Variants in ZNF608 observed in about 807,000 individuals in gnomAD.
ZNF608 encodes renal carcinoma antigen NY-REN-36.
A neutral mutation model predicts 109.0 loss-of-function variants in ZNF608; 12 were observed. The ratio of observed to expected loss-of-function variants is 0.11; its 90% CI spans 0.07 to 0.18. The LOEUF is 0.18. ZNF608 is among the 10% of genes least tolerant of loss of function. The probability of loss-of-function intolerance (pLI) is 1.00; values close to 1 mark genes in which losing one functional copy is unlikely to be tolerated. For missense variants in ZNF608, 1,707 were observed against 1,879.3 expected, an observed-to-expected ratio of 0.91 and a Z score of 1.70; for synonymous variants, 732 against 717.4, an observed-to-expected ratio of 1.02 and a Z score of -0.33.
rs527815690 is a variant in ZNF608, at chr5:124,730,958, T to C, written c.906+13126A>G. 3.9e-5 allele frequency among the ~76,000 whole-genome samples: 6 copies of C among 152,358 alleles called. No homozygotes were observed. In the East Asian group the frequency reaches 7.7e-4, roughly 20 times the overall value. On this transcript the variant is annotated intron_variant, in intron 2 of 9. Transcript: ENST00000513986. ...TAAAAAGCTTTCTTTCCAGGAAGGATTAAAACTGTAGAGCAATTTCAAGAT... is the reference window on the plus strand; with the variant it reads ...TAAAAAGCTTTCTTTCCAGGAAGGACTAAAACTGTAGAGCAATTTCAAGAT...
chr5:124,647,540 A>G lies in ZNF608; in HGVS notation c.2844T>C (p.Asp948=), dbSNP rs1291444832. ...AYSDISDAAD[D]GGSDSRSEGM... Reference sequence around the variant, plus strand: ...CCTCCGACCTGCTGTCAGAACCACCATCGTCAGCAGCATCAGATATGTCTG... The same window carrying G: ...CCTCCGACCTGCTGTCAGAACCACCGTCGTCAGCAGCATCAGATATGTCTG... Residue 948 remains aspartate, a synonymous_variant, in exon 5 of 10, where the codon GAT becomes GAC. Coordinates refer to ENST00000513986, the MANE Select transcript of ZNF608 (RefSeq NM_020747.3). 2.5e-6 allele frequency: 4 copies of G among 1,614,184 alleles called. No homozygotes were observed. Among genetic ancestry groups the G allele is most frequent in the Non-Finnish European group, 3.4e-6 (4 of 1,180,016 alleles).
intron 1 of ZNF608, among the ~76,000 whole-genome samples, chr5:124,745,733 T>G (rs1440419035): frequency 2.0e-5 from 3 of 152,200 alleles, no homozygotes; most frequent in Non-Finnish European, 4.4e-5. Context: ...AATCTGTTTT[T>G]TGTTCCTAGT....
chr5:124,647,791 C>G lies in ZNF608; in HGVS notation c.2593G>C (p.Ala865Pro). 1 of 1,614,144 alleles carries G rather than the reference C, an allele frequency of 6.2e-7. No individual in the cohort carries two copies. Among genetic ancestry groups the G allele is most frequent in the Non-Finnish European group, 8.5e-7 (1 of 1,179,976 alleles). Residue 865 changes from alanine (A) to proline (P), a missense_variant, in exon 5 of 10, where the codon GCA (alanine) becomes CCA (proline). Ala to Pro is a conservative substitution (Grantham distance 27). This residue lies in a region of ZNF608 where 1,073 missense variants were observed against 1,133.5 expected (regional missense o/e 0.95). Transcript: ENST00000513986. ...KDHLNKNEGL[A>P]NGLSESQESR... ...TCCTGAGACTCCGACAGTCCATTTG[C>G]CAGCCCTTCATTCTTGTTGAGATGA...
chr5:124,642,140 G>C (rs1044665309), intron 7 of ZNF608, among the ~76,000 whole-genome samples: 1 of 152,180 alleles, frequency 6.6e-6, no homozygotes, highest in Non-Finnish European at 1.5e-5. Flanking sequence ...GTTTCTGGTA[G>C]ACTCACACAC....
intron 8 of ZNF608, among the ~76,000 whole-genome samples, chr5:124,639,965 C>T (rs1750163542): frequency 3.9e-5 from 6 of 152,096 alleles, no homozygotes; most frequent in Admixed American, 3.9e-4. Flanking sequence ...CTCATATATA[C>T]TTTATTTATA....
At chr5:124,728,215 G>A (rs12514007) in intron 2 of ZNF608, among the ~76,000 whole-genome samples, 21,683 of 152,078 alleles carry the variant, frequency 0.14, 1,777 homozygotes, top group Admixed American at 0.24. Flanking sequence ...TTGAAAAGTC[G>A]ACTCACGATG....
At chr5:124,661,169 G>A (rs1192589744) in intron 3 of ZNF608, among the ~76,000 whole-genome samples, 1 of 152,192 alleles carries the variant, frequency 6.6e-6, no homozygotes, top group Non-Finnish European at 1.5e-5. Context: ...GAGAAATGCA[G>A]TTCTAAATCA....
At chr5:124,669,542 A>AG (rs1751628945) in intron 3 of ZNF608, among the ~76,000 whole-genome samples, 1 of 152,220 alleles carries the variant, frequency 6.6e-6, no homozygotes, top group Non-Finnish European at 1.5e-5. Flanking sequence ...GCAAGGCACT[A>AG]GCTTATTCCA....
chr5:124,726,496 G>A (rs1226237421), intron 2 of ZNF608, among the ~76,000 whole-genome samples: 1 of 151,646 alleles, frequency 6.6e-6, no homozygotes, highest in Non-Finnish European at 1.5e-5. Context: ...ATTATCTCAG[G>A]ACAACGTGAC....
intron 3 of ZNF608, among the ~76,000 whole-genome samples, chr5:124,652,209 C>T (rs1176753909): frequency 2.0e-5 from 3 of 152,222 alleles, no homozygotes; most frequent in African/African-American, 7.2e-5. Flanking sequence ...ATTCACATCT[C>T]CTGCTGCTCT....
At chr5:124,669,021 C>CT (rs1751599657) in intron 3 of ZNF608, among the ~76,000 whole-genome samples, 2 of 152,104 alleles carry the variant, frequency 1.3e-5, no homozygotes, top group African/African-American at 4.8e-5. Context: ...AACCAGAAGA[C>CT]TACCTATTGC....
intron 2 of ZNF608, among the ~76,000 whole-genome samples, chr5:124,725,626 T>A (rs956511534): frequency 6.6e-6 from 1 of 152,152 alleles, no homozygotes; most frequent in Admixed American, 6.5e-5. Flanking sequence ...GTATTTTTTT[T>A]AATCCCTTAA....
Position 124,637,879 on chromosome 5 carries a change from C to A in ZNF608, c.*21G>T, listed in dbSNP as rs1180633005. On this transcript the variant is annotated 3_prime_UTR_variant, in exon 10 of 10. Coordinates refer to ENST00000513986, the MANE Select transcript of ZNF608 (RefSeq NM_020747.3). ...TTCCCCATGTGATCCAGTCACATGA[C>A]AATGTACATGTCCAATCTTGTTATT... 8 of 1,608,692 alleles carry A rather than the reference C, an allele frequency of 5.0e-6. No individual in the cohort carries two copies. The East Asian group carries it at 1.8e-4, about 36-fold the overall frequency.
At chr5:124,675,120 C>G (rs1446679776) in intron 3 of ZNF608, among the ~76,000 whole-genome samples, 1 of 152,186 alleles carries the variant, frequency 6.6e-6, no homozygotes, top group East Asian at 1.9e-4. Context: ...GAGACTGCAA[C>G]TCAGCTAGTC....
Position 124,648,219 on chromosome 5 carries a change from T to C in ZNF608, c.2165A>G (p.Asn722Ser). The C allele has an allele frequency of 6.2e-7, 1 of 1,614,172 alleles. No homozygotes were observed. The highest frequency in any genetic ancestry group is 8.5e-7 in the Non-Finnish European group (1 of 1,180,036). Reference sequence around the variant, plus strand: ...AGAGAGGTTTTTGTCCGTTTTGCAGTTGGTAGCTTTTTTGCCCTTTTCTTT... The same window carrying C: ...AGAGAGGTTTTTGTCCGTTTTGCAGCTGGTAGCTTTTTTGCCCTTTTCTTT... ...GDKEKGKKAT[N>S]CKTDKNLSKL... is the part of the protein sequence containing the mutation. The change falls in exon 5 of 10, where the codon AAC (asparagine) becomes AGC (serine). Residue 722 changes from asparagine (N) to serine (S), a missense_variant. By Grantham distance (46) the Asn-to-Ser change is conservative. Transcript: ENST00000513986.
At chr5:124,732,024 T>A (rs1051505049) in intron 2 of ZNF608, among the ~76,000 whole-genome samples, 1 of 152,102 alleles carries the variant, frequency 6.6e-6, no homozygotes, top group Non-Finnish European at 1.5e-5. Context: ...ATTCCTACAA[T>A]CCTCTTGTTC....
intron 2 of ZNF608, among the ~76,000 whole-genome samples, chr5:124,709,789 A>G (rs1753416871): frequency 6.6e-6 from 1 of 152,190 alleles, no homozygotes; most frequent in Non-Finnish European, 1.5e-5. Context: ...ATTTCCAAAG[A>G]CACTTAAAGC....
chr5:124,708,503 C>G (rs565908436), intron 2 of ZNF608, among the ~76,000 whole-genome samples: 2 of 152,230 alleles, frequency 1.3e-5, no homozygotes, highest in African/African-American at 2.4e-5. Context: ...AGCAATATAC[C>G]TGAATCACCC....
chr5:124,690,368 A>G (rs1271240258), intron 3 of ZNF608, among the ~76,000 whole-genome samples: 1 of 152,226 alleles, frequency 6.6e-6, no homozygotes, highest in Non-Finnish European at 1.5e-5. Flanking sequence ...AATATAAACT[A>G]GGAGCTTTGG....
Sources: allele counts gnomAD v4.1 joint callset (sites outside exome capture counted in the v4.1 genomes callset), GRCh38; gene constraint gnomAD v4.1.1; regional missense constraint gnomAD v4.1.1; transcripts MANE v1.5; gene names NCBI Gene and HGNC (gene_info 2026-07-23, HGNC 2026-07-21).